MLIP: variants seen among roughly 807,000 people sequenced by gnomAD.
The protein encoded by MLIP is muscular LMNA interacting protein.
In MLIP, 79 loss-of-function variants were observed where a neutral mutation model predicts 84.8. The observed-to-expected ratio is 0.93, with a 90% CI of 0.78 to 1.12. The LOEUF is 1.12. MLIP is among the 50% of genes most tolerant of loss of function. The pLI, the probability that MLIP is intolerant of heterozygous loss-of-function variation, is 0.00. For synonymous variants in MLIP, 504 were observed against 463.0 expected (o/e 1.09, Z -1.14); for missense variants, 1,257 against 1,160.6 (o/e 1.08, Z -1.21).
intron 1 of MLIP, among the ~76,000 whole-genome samples, chr6:54,116,930 T>C (rs968506434): frequency 7.2e-5 from 11 of 152,224 alleles, no homozygotes; most frequent in African/African-American, 2.7e-4. Flanking sequence ...GAGGCAAGGA[T>C]GGTTCAACAA....
At chr6:54,037,309 T>G (rs1239435278) in intron 1 of MLIP, among the ~76,000 whole-genome samples, 2 of 151,978 alleles carry the variant, frequency 1.3e-5, no homozygotes, top group Non-Finnish European at 2.9e-5. Context: ...CTTGCTAATC[T>G]TCTATGGCTT....
At chr6:54,023,709 A>G (rs1239968416) in intron 1 of MLIP, among the ~76,000 whole-genome samples, 1 of 151,762 alleles carries the variant, frequency 6.6e-6, no homozygotes, top group Non-Finnish European at 1.5e-5. Context: ...AGCTGGGACT[A>G]CAGGCGTGCA....
intron 12 of MLIP, among the ~76,000 whole-genome samples, chr6:54,246,873 G>GTT (rs1477450072): frequency 1.3e-5 from 2 of 152,008 alleles, no homozygotes; most frequent in African/African-American, 4.8e-5. Flanking sequence ...AATTCTAGGT[G>GTT]TTTATTTCTG....
Position 54,137,381 on chromosome 6 carries a change from A to G in MLIP, c.1312A>G (p.Thr438Ala), listed in dbSNP as rs555351598. 2.4e-4 allele frequency: 365 copies of G among 1,535,516 alleles called. No homozygotes were observed. Among genetic ancestry groups the G allele is most frequent in the Non-Finnish European group, 2.7e-4 (304 of 1,146,770 alleles). ...QRPFSPASCP[T>A]FSLNSPASST... ...ACCCTTTTCCCCTGCATCCTGTCCC[A>G]CCTTCTCTCTCAACTCCCCGGCCTC... Residue 438 changes from threonine to alanine, a missense_variant, in exon 4 of 14, where the codon ACC (threonine) becomes GCC (alanine). Physicochemically the swap from Thr to Ala is moderately conservative, Grantham distance 58. Transcript: ENST00000502396.
chr6:54,247,826 A>T (rs896017984), intron 12 of MLIP, among the ~76,000 whole-genome samples: 1 of 152,058 alleles, frequency 6.6e-6, no homozygotes, highest in Non-Finnish European at 1.5e-5. Context: ...TTGGGGGTGT[A>T]CTGCTAGAGG....
chr6:54,089,945 A>G (rs1767752560), intron 1 of MLIP, among the ~76,000 whole-genome samples: 1 of 152,120 alleles, frequency 6.6e-6, no homozygotes, highest in South Asian at 2.1e-4. Flanking sequence ...TCGTCTGCAT[A>G]CACCACTACC....
chr6:54,171,444 C>T (rs1000090005), intron 9 of MLIP, among the ~76,000 whole-genome samples: 3 of 151,576 alleles, frequency 2.0e-5, no homozygotes, highest in Non-Finnish European at 3.0e-5. Context: ...GCCACTAAAA[C>T]ACGTCCACGT....
chr6:54,189,910 A>T lies in MLIP; in HGVS notation c.2585A>T (p.Gln862Leu), dbSNP rs1381212882. 1 of 1,601,260 alleles carries T rather than the reference A, an allele frequency of 6.2e-7. No homozygotes were observed. The highest frequency in any genetic ancestry group is 8.6e-7 in the Non-Finnish European group (1 of 1,168,974). ...CCATCTTCTACAGTATCTGAGAGTC[A>T]GCTGGTATGTATCTTCTAAGTCACA... is the stretch of plus-strand genomic sequence containing the variant. ...SSPSSTVSES[Q>L]LTKPGVIRPV... is the part of the protein sequence containing the mutation. Residue 862 changes from glutamine to leucine, a missense_variant, in exon 10 of 14, where the codon CAG (glutamine) becomes CTG (leucine). Physicochemically the swap from Gln to Leu is moderately radical, Grantham distance 113. Transcript: ENST00000502396.
intron 3 of MLIP, among the ~76,000 whole-genome samples, chr6:54,126,761 T>TA (rs1770952562): frequency 6.6e-6 from 1 of 152,158 alleles, no homozygotes; most frequent in African/African-American, 2.4e-5. Flanking sequence ...TTGGGCTGCT[T>TA]GATGCCAACA....
At chr6:54,216,211 A>G in intron 11 of MLIP, 1 of 985,270 alleles carries the variant, frequency 1.0e-6, no homozygotes, top group Non-Finnish European at 1.2e-6. Flanking sequence ...ATTTTGGAAG[A>G]AAGAGGTTGA....
intron 11 of MLIP, among the ~76,000 whole-genome samples, chr6:54,208,540 T>C (rs896295141): frequency 3.3e-5 from 5 of 152,206 alleles, no homozygotes; most frequent in Non-Finnish European, 7.3e-5. Flanking sequence ...GATCTATAAT[T>C]GTGCCATTTC....
intron 12 of MLIP, among the ~76,000 whole-genome samples, chr6:54,250,318 A>G (rs1782381317): frequency 6.6e-6 from 1 of 152,080 alleles, no homozygotes; most frequent in Non-Finnish European, 1.5e-5. Context: ...TCAAAGACCT[A>G]GAGACACAAA....
At chr6:54,123,589 A>C (rs540914032) in intron 2 of MLIP, among the ~76,000 whole-genome samples, 1 of 152,220 alleles carries the variant, frequency 6.6e-6, no homozygotes, top group Non-Finnish European at 1.5e-5. Context: ...CACACAGTAC[A>C]CATTAAATTG....
chr6:54,103,001 T>C (rs1768767063), intron 1 of MLIP, among the ~76,000 whole-genome samples: 1 of 152,170 alleles, frequency 6.6e-6, no homozygotes, highest in Non-Finnish European at 1.5e-5. Context: ...AGAAATTATG[T>C]TAACCTCATG....
chr6:54,040,651 C>T (rs1382728733), intron 1 of MLIP, among the ~76,000 whole-genome samples: 1 of 152,004 alleles, frequency 6.6e-6, no homozygotes, highest in Non-Finnish European at 1.5e-5. Context: ...ATAACAAATA[C>T]ATAGAATCAA....
At chr6:54,206,178 G>A (rs2150727126) in intron 11 of MLIP, among the ~76,000 whole-genome samples, 1 of 152,198 alleles carries the variant, frequency 6.6e-6, no homozygotes, top group South Asian at 2.1e-4. Flanking sequence ...CATTTAATAT[G>A]TGTAATTAGA....
intron 10 of MLIP, among the ~76,000 whole-genome samples, chr6:54,201,354 T>C (rs1345101716): frequency 1.3e-5 from 2 of 152,208 alleles, no homozygotes; most frequent in South Asian, 2.1e-4. Context: ...GAAATTCATG[T>C]AGGCCCCTGG....
In MLIP at chr6:54,124,643, C is replaced by T. The variant is rs76743036; in HGVS notation, c.423C>T (p.Val141=). The part of the protein sequence containing the change: ...QQSDLFKAEY[V]LIVDSEGEDE... ...GTGACCTCTTCAAAGCTGAATATGTCCTTATTGTGGACTCCGAAGGGGAAG... is the reference window on the plus strand; with the variant it reads ...GTGACCTCTTCAAAGCTGAATATGTTCTTATTGTGGACTCCGAAGGGGAAG... The change falls in exon 3 of 14, where the codon GTC becomes GTT. Residue 141 remains valine, a synonymous_variant. Transcript: ENST00000502396. The T allele has an allele frequency of 1.0e-3, 1,668 of 1,614,156 alleles. 1 individual carries two copies. The highest frequency in any genetic ancestry group is 1.3e-3 in the Non-Finnish European group (1,539 of 1,180,026).
intron 3 of MLIP, among the ~76,000 whole-genome samples, chr6:54,125,249 G>C (rs966162435): frequency 6.6e-6 from 1 of 152,150 alleles, no homozygotes; most frequent in Admixed American, 6.5e-5. Context: ...ACGTAAGAAA[G>C]ATCTAGTGAA....
Sources: allele counts gnomAD v4.1 joint callset (sites outside exome capture counted in the v4.1 genomes callset), GRCh38; gene constraint gnomAD v4.1.1; transcripts MANE v1.5; gene names NCBI Gene and HGNC (gene_info 2026-07-23, HGNC 2026-07-21).